The following BRI3BP variants were observed in gnomAD, a reference collection of about 807,000 sequenced individuals.
BRI3BP encodes the protein BRI3 binding protein, also known as BRI3-binding protein.
In BRI3BP, 7 loss-of-function variants were observed where a neutral mutation model predicts 15.8. That is an observed-to-expected ratio of 0.44 (90% CI 0.25 to 0.83). The LOEUF is 0.83. Among genes scored for constraint, BRI3BP ranks in the 40% least tolerant of loss-of-function variants. BRI3BP has a pLI of 0.20. For synonymous variants in BRI3BP, 192 were observed against 163.5 expected (o/e 1.17, Z -1.33); for missense variants, 320 against 339.3 (o/e 0.94, Z 0.45).
chr12:125,006,655 G>C (rs1955146844), intron 1 of BRI3BP, among the ~76,000 whole-genome samples: 1 of 152,218 alleles, frequency 6.6e-6, no homozygotes, highest in Non-Finnish European at 1.5e-5. Context: ...CTGGGCACCT[G>C]CCGTGTGCTG....
rs140438309 is a variant in BRI3BP at position 125,010,971 on chromosome 12, G to A, written c.214-1563G>A. On this transcript the variant is annotated intron_variant, in intron 1 of 2. Coordinates refer to ENST00000341446, the MANE Select transcript of BRI3BP (RefSeq NM_080626.6). The stretch of plus-strand genomic sequence containing the variant: ...TACCTGAGTGTGATGGTGCGTGCCT[G>A]TAGTACCAGCTACTCGGGAGGCTGA... Among the ~76,000 whole-genome samples the A allele has an allele frequency of 6.6e-3, 995 of 151,676 alleles. 4 individuals carry two copies. Among genetic ancestry groups the A allele is most frequent in the African/African-American group, 0.022 (927 of 41,312 alleles).
At chr12:124,999,609 T>C (rs1370635176) in intron 1 of BRI3BP, among the ~76,000 whole-genome samples, 2 of 149,620 alleles carry the variant, frequency 1.3e-5, no homozygotes, top group Non-Finnish European at 3.0e-5. Flanking sequence ...TTTTTTATTT[T>C]TATTTATTTA....
intron 1 of BRI3BP, among the ~76,000 whole-genome samples, chr12:125,012,109 G>A (rs147520847): frequency 4.6e-5 from 7 of 152,242 alleles, no homozygotes; most frequent in East Asian, 1.9e-4. Context: ...GCTTGAGCCC[G>A]GGAGTTTGAG....
Position 125,024,986 on chromosome 12 carries a change from C to G in BRI3BP, c.317-5C>G, listed in dbSNP as rs1161384962. 4 of 1,608,472 alleles carry G rather than the reference C, an allele frequency of 2.5e-6. No individual in the cohort carries two copies. The highest frequency in any genetic ancestry group is 3.4e-6 in the Non-Finnish European group (4 of 1,176,750). On this transcript the variant is annotated splice_polypyrimidine_tract_variant and splice_region_variant and intron_variant, in intron 2 of 2. Coordinates refer to ENST00000341446, the MANE Select transcript of BRI3BP (RefSeq NM_080626.6). Reference sequence around the variant, plus strand: ...CGAGCCCTGTTCCTCTTTTCTGTCCCGCAGTCTCCAACCTGTCCCAGTATT... The same window carrying G: ...CGAGCCCTGTTCCTCTTTTCTGTCCGGCAGTCTCCAACCTGTCCCAGTATT...
intron 2 of BRI3BP, among the ~76,000 whole-genome samples, chr12:125,022,541 A>ATTTATTTATT: frequency 1.4e-5 from 2 of 139,404 alleles, no homozygotes; most frequent in Non-Finnish European, 3.0e-5. Flanking sequence ...TTATTTATTT[A>ATTTATTTATT]TTTTTTGAGA....
At chr12:125,003,284 C>T (rs1292179219) in intron 1 of BRI3BP, among the ~76,000 whole-genome samples, 1 of 152,122 alleles carries the variant, frequency 6.6e-6, no homozygotes. Flanking sequence ...TGTTGGATGT[C>T]CCCCGCCTGA....
intron 1 of BRI3BP, among the ~76,000 whole-genome samples, chr12:125,006,053 AT>A (rs1955141024): frequency 6.6e-6 from 1 of 152,052 alleles, no homozygotes; most frequent in Admixed American, 6.6e-5. Context: ...TCCTCTGTTT[AT>A]CTGGGTCCTG....
At chr12:125,050,586 GTGCCC>G in the BRI3BP span, among the ~76,000 whole-genome samples, 10 of 152,354 alleles carry the variant, frequency 6.6e-5, no homozygotes, top group Non-Finnish European at 1.3e-4. Context: ...CTGCTGCTCT[GTGCCC>G]TGCCTCGTGC....
chr12:125,008,103 G>C (rs950616306), intron 1 of BRI3BP, among the ~76,000 whole-genome samples: 2 of 128,668 alleles, frequency 1.6e-5, no homozygotes, highest in Non-Finnish European at 3.7e-5. Context: ...AAGCTCCTGG[G>C]TGATGCTGCT....
chr12:125,001,359 A>G (rs1955089481), intron 1 of BRI3BP, among the ~76,000 whole-genome samples: 2 of 143,546 alleles, frequency 1.4e-5, no homozygotes, highest in African/African-American at 2.6e-5. Flanking sequence ...CCCGGCCCCA[A>G]TTATGCATTT....
At chr12:124,998,369 T>C (rs1955057856) in intron 1 of BRI3BP, among the ~76,000 whole-genome samples, 1 of 152,160 alleles carries the variant, frequency 6.6e-6, no homozygotes, top group Non-Finnish European at 1.5e-5. Context: ...ATGTCCCAAA[T>C]GTCTTATCAG....
At chr12:124,999,774 T>C (rs12827519) in intron 1 of BRI3BP, among the ~76,000 whole-genome samples, 9,343 of 147,544 alleles carry the variant, frequency 0.063, 437 homozygotes, top group Admixed American at 0.14. Flanking sequence ...CCTGCCACCA[T>C]GCCCAGCTAA....
At chr12:125,013,396 C>T (rs1236079387) in intron 2 of BRI3BP, among the ~76,000 whole-genome samples, 1 of 152,182 alleles carries the variant, frequency 6.6e-6, no homozygotes, top group Non-Finnish European at 1.5e-5. Flanking sequence ...AGTCACACAA[C>T]TGTAGTATAA....
the BRI3BP span, among the ~76,000 whole-genome samples, chr12:125,039,259 C>T: frequency 6.6e-6 from 1 of 152,182 alleles, no homozygotes; most frequent in Non-Finnish European, 1.5e-5. Context: ...GAGTGCAAGG[C>T]CCACGGGTTC....
chr12:125,005,443 C>T (rs1955133516), intron 1 of BRI3BP, among the ~76,000 whole-genome samples: 1 of 152,108 alleles, frequency 6.6e-6, no homozygotes, highest in South Asian at 2.1e-4. Context: ...CCCTGTGTCC[C>T]ATTTCCCAGA....
At chr12:125,018,537 A>G (rs1160136282) in intron 2 of BRI3BP, among the ~76,000 whole-genome samples, 1 of 152,116 alleles carries the variant, frequency 6.6e-6, no homozygotes, top group African/African-American at 2.4e-5. Flanking sequence ...ACGGAGTGCC[A>G]AGGATCACCA....
At chr12:125,040,534 G>A in the BRI3BP span, among the ~76,000 whole-genome samples, 20,156 of 150,660 alleles carry the variant, frequency 0.13, 1,701 homozygotes, top group East Asian at 0.25. Flanking sequence ...AGTAGAGACC[G>A]GTTTCTCCAT....
chr12:125,050,349 C>CAA, the BRI3BP span, among the ~76,000 whole-genome samples: 2 of 86,756 alleles, frequency 2.3e-5, no homozygotes, highest in African/African-American at 8.7e-5. Context: ...GACTCCGTCT[C>CAA]AAAAAAAAAA....
At chr12:125,049,905 G>A in the BRI3BP span, among the ~76,000 whole-genome samples, 1 of 152,208 alleles carries the variant, frequency 6.6e-6, no homozygotes, top group African/African-American at 2.4e-5. Context: ...GGGACGCGCA[G>A]GAGGCCCGTG....
Sources: allele counts gnomAD v4.1 joint callset (sites outside exome capture counted in the v4.1 genomes callset), GRCh38; gene constraint gnomAD v4.1.1; transcripts MANE v1.5; gene names NCBI Gene and HGNC (gene_info 2026-07-23, HGNC 2026-07-21).